The following NPR2 variants were observed in gnomAD, a reference collection of about 807,000 sequenced individuals.
The protein encoded by NPR2 is atrial natriuretic peptide receptor 2.
In NPR2, 49 loss-of-function variants were observed where a neutral mutation model predicts 120.7. The ratio of observed to expected loss-of-function variants is 0.41; its 90% confidence interval spans 0.32 to 0.52. The LOEUF is 0.52. Among genes scored for constraint, NPR2 ranks in the 20% least tolerant of loss-of-function variants. The probability of loss-of-function intolerance (pLI) is 0.36; values close to 1 mark genes in which losing one functional copy is unlikely to be tolerated. For missense variants in NPR2, 931 were observed against 1,362.9 expected (o/e 0.68, Z 4.99); for synonymous variants, 484 against 519.8 (o/e 0.93, Z 0.94).
chr9:35,796,203 T>G (rs1401470722), intron 2 of NPR2, among the ~76,000 whole-genome samples: 1 of 152,190 alleles, frequency 6.6e-6, no homozygotes, highest in African/African-American at 2.4e-5. Context: ...ATCCTTTTTC[T>G]TTTTGAGACA....
rs1264365104 is a variant in NPR2 at position 35,806,278 on chromosome 9, T to G, written c.2372+45T>G. ...CAGGGGCTTCCCAGGGATAGAAGAC[T>G]CATTAGTCCTAGTGCATGAAGTGGG... is the stretch of plus-strand genomic sequence containing the variant. On this transcript the variant is annotated intron_variant, in intron 15 of 21. Coordinates refer to ENST00000342694, the MANE Select transcript of NPR2 (RefSeq NM_003995.4). The surrounding 1 kb of genome is among the most constrained non-coding windows in gnomAD (Gnocchi z 4.6). The G allele has an allele frequency of 6.2e-7, 1 of 1,612,760 alleles. No homozygotes were observed. Among genetic ancestry groups the G allele is most frequent in the Admixed American group, 1.7e-5 (1 of 60,016 alleles).
rs1190521364 is a variant in NPR2, at chr9:35,791,942, T to G, written c.-467T>G. Among the ~76,000 whole-genome samples, 1 of 151,478 alleles carries G rather than the reference T, an allele frequency of 6.6e-6. No individual in the cohort carries two copies. Among genetic ancestry groups the G allele is most frequent in the Non-Finnish European group, 1.5e-5 (1 of 67,828 alleles). ...TCCGCGGCGCGGGCACCCTCCCACC[T>G]TACCCCCTTGGTCCTATGTGGCGCA... On this transcript the variant is annotated 5_prime_UTR_variant, in exon 1 of 22. Transcript: ENST00000342694.
Position 35,807,004 on chromosome 9 carries a change from C to T in NPR2, c.2520-19C>T, listed in dbSNP as rs560806065. The T allele has an allele frequency of 3.5e-5, 57 of 1,613,828 alleles. No homozygotes were observed. The highest frequency in any genetic ancestry group is 3.3e-4 in the Middle Eastern group (2 of 6,050). On this transcript the variant is annotated intron_variant, in intron 16 of 21. Coordinates refer to ENST00000342694, the MANE Select transcript of NPR2 (RefSeq NM_003995.4). ...CTGCTCTCTTGGAGTTTGGCTCATACGGCACCCTTGCTTCCTAGTTCAGTG... is the reference window on the plus strand; with the variant it reads ...CTGCTCTCTTGGAGTTTGGCTCATATGGCACCCTTGCTTCCTAGTTCAGTG...
rs1828220267 is a variant in NPR2 at position 35,802,678 on chromosome 9, TG to T, written c.1816-51del. On this transcript the variant is annotated intron_variant, in intron 11 of 21. Coordinates refer to ENST00000342694, the MANE Select transcript of NPR2 (RefSeq NM_003995.4). This position sits in a 1 kb window ranked among gnomAD's most constrained non-coding sequence, Gnocchi z 4.2. ...ACCCAAAGTTATACTGACTCTATGC[TG>T]GGTGATAGCTGGTGGGACCAGGACA... 6.7e-7 allele frequency: 1 copy of T among 1,493,800 alleles called. No homozygotes were observed. Among genetic ancestry groups the T allele is most frequent in the African/African-American group, 1.4e-5 (1 of 72,460 alleles). The allele number at this position is 1,493,800 out of a possible 1,614,324, so 92.5% of individuals were successfully genotyped here. A position where few individuals can be genotyped will look rare whatever the true frequency, so the allele number is the denominator to read the frequency against.
Position 35,809,105 on chromosome 9 carries a change from C to A in NPR2, c.2987-51C>A. ...TACAGTATCACCAATTATTTGATTG[C>A]CTTTTCTTTGATTCCTCATTCCACC... is the stretch of plus-strand genomic sequence containing the variant. On this transcript the variant is annotated intron_variant, in intron 20 of 21. Coordinates refer to ENST00000342694, the MANE Select transcript of NPR2 (RefSeq NM_003995.4). The surrounding 1 kb of genome is among the most constrained non-coding windows in gnomAD (Gnocchi z 4.1). 1 of 1,505,634 alleles carries A rather than the reference C, an allele frequency of 6.6e-7. No homozygotes were observed. Among genetic ancestry groups the A allele is most frequent in the South Asian group, 1.1e-5 (1 of 88,886 alleles). 93.3% of individuals were successfully genotyped at this position (1,505,634 alleles called of 1,614,324 possible).
At position 35,808,320 on chromosome 9, in the gene NPR2, G is replaced by C; in HGVS notation, c.2713-189G>C. Reference sequence around the variant, plus strand: ...ATTCACCAGGTGCTGGGTGGAGAAAGAAGACTTAAAGATTCCCTAGACATC... The same window carrying C: ...ATTCACCAGGTGCTGGGTGGAGAAACAAGACTTAAAGATTCCCTAGACATC... On this transcript the variant is annotated intron_variant, in intron 18 of 21. Transcript: ENST00000342694. This position sits in a 1 kb window ranked among gnomAD's most constrained non-coding sequence, Gnocchi z 4.0. 1 of 1,585,632 alleles carries C rather than the reference G, an allele frequency of 6.3e-7. No individual in the cohort carries two copies. Among genetic ancestry groups the C allele is most frequent in the African/African-American group, 1.3e-5 (1 of 74,406 alleles).
Position 35,802,526 on chromosome 9 carries a change from T to C in NPR2, c.1734T>C (p.His578=), listed in dbSNP as rs1466063799. 6.2e-7 allele frequency: 1 copy of C among 1,603,556 alleles called. No individual in the cohort carries two copies. Among genetic ancestry groups the C allele is most frequent in the East Asian group, 2.2e-5 (1 of 44,824 alleles). The change falls in exon 11 of 22, where the codon CAT becomes CAC. Residue 578 remains histidine (H), a synonymous_variant. Transcript: ENST00000342694. This position sits in a 1 kb window ranked among gnomAD's most constrained non-coding sequence, Gnocchi z 4.2. ...LKHMRDVQFN[H]LTRFIGACID... ...AGATGAGAGATGTTCAGTTCAACCA[T>C]CTCACTCGCTTCATTGGCGCCTGCA...
Position 35,802,094 on chromosome 9 carries a change from C to T in NPR2, c.1632+94C>T, listed in dbSNP as rs1312658528. ...CCCCTGAACCTCTGTCCCTCATACC[C>T]GACTCTCTGTGCCCAGCTGAGCTCC... is the stretch of plus-strand genomic sequence containing the variant. On this transcript the variant is annotated intron_variant, in intron 9 of 21. Coordinates refer to ENST00000342694, the MANE Select transcript of NPR2 (RefSeq NM_003995.4). This position sits in a 1 kb window ranked among gnomAD's most constrained non-coding sequence, Gnocchi z 4.2. 8.0e-6 allele frequency: 11 copies of T among 1,380,866 alleles called. No homozygotes were observed. The highest frequency in any genetic ancestry group is 1.2e-5 in the South Asian group (1 of 86,440). 85.5% of individuals were successfully genotyped at this position (1,380,866 alleles called of 1,614,324 possible).
Position 35,792,304 on chromosome 9 carries a change from TC to T in NPR2, c.-103del. Reference sequence around the variant, plus strand: ...AGCCTACCTAGCCTACTCCTCCTCTTCCTGGCCCTCTTCCCCAGGCTCCAGG... The same window carrying T: ...AGCCTACCTAGCCTACTCCTCCTCTTCTGGCCCTCTTCCCCAGGCTCCAGG... On this transcript the variant is annotated 5_prime_UTR_variant, in exon 1 of 22. Coordinates refer to ENST00000342694, the MANE Select transcript of NPR2 (RefSeq NM_003995.4). 1 of 1,267,566 alleles carries T rather than the reference TC, an allele frequency of 7.9e-7. No homozygotes were observed. The highest frequency in any genetic ancestry group is 1.4e-5 in the South Asian group (1 of 69,614). The allele number at this position is 1,267,566 out of a possible 1,614,324, so 78.5% of individuals were successfully genotyped here.
chr9:35,794,186 C>T, intron 2 of NPR2, 83 bp downstream of exon 2: 1 of 1,332,434 alleles, frequency 7.5e-7, no homozygotes, highest in Non-Finnish European at 1.0e-6. Context: ...TAAAGAAACC[C>T]TAGGAACCAG....
chr9:35,805,291 G>C lies in NPR2; in HGVS notation c.1888-220G>C, dbSNP rs1337718785. 6.6e-6 allele frequency among the ~76,000 whole-genome samples: 1 copy of C among 152,122 alleles called. No homozygotes were observed. The highest frequency in any genetic ancestry group is 1.5e-5 in the Non-Finnish European group (1 of 68,026). ...TTTTTAAGCATTTTCCCTGTCCCTG[G>C]TGGCTGGGTGCCTGTGTCCTGCTTA... On this transcript the variant is annotated intron_variant, in intron 12 of 21. Coordinates refer to ENST00000342694, the MANE Select transcript of NPR2 (RefSeq NM_003995.4). This position sits in a 1 kb window ranked among gnomAD's most constrained non-coding sequence, Gnocchi z 4.9.
rs922576928 is a variant in NPR2, at chr9:35,806,323, G to A, written c.2373-69G>A. The A allele has an allele frequency of 3.1e-6, 5 of 1,608,832 alleles. No individual in the cohort carries two copies. Among genetic ancestry groups the A allele is most frequent in the Non-Finnish European group, 3.4e-6 (4 of 1,175,388 alleles). On this transcript the variant is annotated intron_variant, in intron 15 of 21. Coordinates refer to ENST00000342694, the MANE Select transcript of NPR2 (RefSeq NM_003995.4). This position sits in a 1 kb window ranked among gnomAD's most constrained non-coding sequence, Gnocchi z 4.6. ...AGTGGGGCAGGTGGGACCAGAGGGT[G>A]GGTTGGATAGGAAGTCCTGGGAATC...
rs771425603 is a variant in NPR2 at position 35,792,960 on chromosome 9, C to T, written c.552C>T (p.Ile184=). 7 of 1,613,942 alleles carry T rather than the reference C, an allele frequency of 4.3e-6. No individual in the cohort carries two copies. Among genetic ancestry groups the T allele is most frequent in the Non-Finnish European group, 5.9e-6 (7 of 1,179,998 alleles). ...ATGACCGGCCTCACTACTTCACCAT[C>T]GAGGGCGTCTTTGAGGCCCTGCAGG... ...RTDDRPHYFT[I]EGVFEALQGS... is the part of the protein sequence containing the mutation. The change falls in exon 1 of 22, where the codon ATC becomes ATT. Residue 184 remains isoleucine (I), a synonymous_variant. Transcript: ENST00000342694.
chr9:35,797,902 TG>T (rs1827992354), intron 2 of NPR2, among the ~76,000 whole-genome samples: 1 of 152,220 alleles, frequency 6.6e-6, no homozygotes, highest in Non-Finnish European at 1.5e-5. Context: ...TTTGTGATTG[TG>T]TAGGGAAGTT....
rs2132092451 is a variant in NPR2, at chr9:35,806,435, G to C, written c.2416G>C (p.Glu806Gln). The C allele has an allele frequency of 6.2e-7, 1 of 1,614,074 alleles. No homozygotes were observed. Among genetic ancestry groups the C allele is most frequent in the Non-Finnish European group, 8.5e-7 (1 of 1,179,936 alleles). Residue 806 changes from glutamate to glutamine, a missense_variant, in exon 16 of 22, where the codon GAA becomes CAA. Around this residue, in one of 3 missense-constraint regions of NPR2, gnomAD observed 184 missense variants for 328.3 expected, o/e 0.56. Transcript: ENST00000342694. The surrounding 1 kb of genome is among the most constrained non-coding windows in gnomAD (Gnocchi z 4.6). Reference protein sequence around the residue: ...SILDNLLLRMEQYANNLEKLV... With the variant: ...SILDNLLLRMQQYANNLEKLV... ...ATTGGACAACCTCCTGCTGCGCATG[G>C]AACAGTATGCCAATAACTTGGAGAA...
chr9:35,809,660 T>C lies in NPR2; in HGVS notation c.*215T>C. Reference sequence around the variant, plus strand: ...CTTGGTCCCCTTCCTCCCTACTTTCTGTAAATATCTGTATCTAAACCAGAA... The same window carrying C: ...CTTGGTCCCCTTCCTCCCTACTTTCCGTAAATATCTGTATCTAAACCAGAA... On this transcript the variant is annotated 3_prime_UTR_variant, in exon 22 of 22. Coordinates refer to ENST00000342694, the MANE Select transcript of NPR2 (RefSeq NM_003995.4). This position sits in a 1 kb window ranked among gnomAD's most constrained non-coding sequence, Gnocchi z 4.1. 2 of 1,108,126 alleles carry C rather than the reference T, an allele frequency of 1.8e-6. No individual in the cohort carries two copies. Among genetic ancestry groups the C allele is most frequent in the Non-Finnish European group, 2.7e-6 (2 of 731,352 alleles). The allele number at this position is 1,108,126 out of a possible 1,614,324, so 68.6% of individuals were successfully genotyped here.
At position 35,802,700 on chromosome 9, in the gene NPR2, GGACA is replaced by G. The variant is rs1828221860; in HGVS notation, c.1816-26_1816-23del. 6.4e-7 allele frequency: 1 copy of G among 1,562,518 alleles called. No homozygotes were observed. Among genetic ancestry groups the G allele is most frequent in the Non-Finnish European group, 8.8e-7 (1 of 1,133,022 alleles). On this transcript the variant is annotated intron_variant, in intron 11 of 21. Coordinates refer to ENST00000342694, the MANE Select transcript of NPR2 (RefSeq NM_003995.4). This position sits in a 1 kb window ranked among gnomAD's most constrained non-coding sequence, Gnocchi z 4.2. ...TGCTGGGTGATAGCTGGTGGGACCA[GGACA>G]GACAGTCTATTCCATGTCACTTACC... is the stretch of plus-strand genomic sequence containing the variant.
intron 2 of NPR2, 95 bp from the exon 3 acceptor site, chr9:35,799,523 T>G: frequency 1.1e-6 from 1 of 873,096 alleles, no homozygotes; most frequent in Admixed American, 1.8e-5. Flanking sequence ...TTTTATATCA[T>G]GTATATTTTA....
Position 35,802,544 on chromosome 9 carries a change from C to T in NPR2, c.1752C>T (p.Gly584=), listed in dbSNP as rs377523985. The change falls in exon 11 of 22, where the codon GGC becomes GGT. Residue 584 remains glycine (G), a synonymous_variant. Transcript: ENST00000342694. The surrounding 1 kb of genome is among the most constrained non-coding windows in gnomAD (Gnocchi z 4.2). ...TCAACCATCTCACTCGCTTCATTGG[C>T]GCCTGCATAGACCCTCCCAACATTT... ...VQFNHLTRFI[G]ACIDPPNICI... 22 of 1,609,338 alleles carry T rather than the reference C, an allele frequency of 1.4e-5. No individual in the cohort carries two copies. The highest frequency in any genetic ancestry group is 6.7e-5 in the African/African-American group (5 of 74,806).
Sources: allele counts gnomAD v4.1 joint callset (sites outside exome capture counted in the v4.1 genomes callset), GRCh38; gene constraint gnomAD v4.1.1; regional missense constraint gnomAD v4.1.1; non-coding constraint Gnocchi (gnomAD v3.1); transcripts MANE v1.5; gene names NCBI Gene and HGNC (gene_info 2026-07-23, HGNC 2026-07-21).